CCDC32: variants seen among roughly 807,000 people sequenced by gnomAD.
The protein encoded by CCDC32 is coiled-coil domain containing 32, also known as coiled-coil domain-containing protein 32.
A neutral mutation model predicts 20.1 loss-of-function variants in CCDC32; 9 were observed. The observed-to-expected ratio is 0.45, with a 90% CI of 0.27 to 0.78. The LOEUF is 0.78. Ranked by LOEUF, CCDC32 falls within the 30% of genes least tolerant of loss-of-function variation. CCDC32 has a pLI of 0.16. For missense variants in CCDC32, 204 were observed against 215.5 expected (o/e 0.95, Z 0.33); for synonymous variants, 63 against 79.0 (o/e 0.80, Z 1.07).
chr15:40,548,855 G>T (rs553720941), downstream of CCDC32, among the ~76,000 whole-genome samples: 30 of 152,282 alleles, frequency 2.0e-4, 1 homozygote, highest in African/African-American at 7.2e-4. Context: ...GGTTCAAAGG[G>T]AGGGAATATT....
downstream of CCDC32, among the ~76,000 whole-genome samples, chr15:40,552,138 T>C (rs569465708): frequency 6.7e-6 from 1 of 149,906 alleles, no homozygotes; most frequent in African/African-American, 2.5e-5. Flanking sequence ...GCTTGGGTGA[T>C]AGAGTGAGGA....
downstream of CCDC32, chr15:40,539,002 A>G (rs928810028): frequency 1.0e-4 from 53 of 529,788 alleles, no homozygotes; most frequent in African/African-American, 9.7e-4. Context: ...CCCTCTTCCC[A>G]TGGGTTCTCT....
chr15:40,553,109 A>C lies in CCDC32; in HGVS notation c.*862T>G, dbSNP rs1268002225. The C allele has an allele frequency of 3.0e-6, 3 of 985,286 alleles. No homozygotes were observed. The African/African-American group carries it at 5.2e-5, about 17-fold the overall frequency. 61.0% of individuals were successfully genotyped at this position (985,286 alleles called of 1,614,324 possible). On this transcript the variant is annotated 3_prime_UTR_variant, in exon 4 of 4. Coordinates refer to ENST00000416810, the MANE Select transcript of CCDC32 (RefSeq NM_001080792.4). ...CCACAGACACTGCTATTCCGTTGAG[A>C]AAAGTTTTATATGGAAACACATACT...
intron 3 of CCDC32, among the ~76,000 whole-genome samples, chr15:40,547,838 C>T (rs1300385372): frequency 6.6e-6 from 1 of 152,222 alleles, no homozygotes; most frequent in Non-Finnish European, 1.5e-5. Context: ...CCCTCCCTTT[C>T]CTGACCTGTT....
chr15:40,531,047 A>G (rs1286816496), downstream of CCDC32, among the ~76,000 whole-genome samples: 1 of 151,656 alleles, frequency 6.6e-6, no homozygotes, highest in East Asian at 1.9e-4. Context: ...GGACTGATAC[A>G]GATGACATGC....
Position 40,553,408 on chromosome 15 carries a change from G to T in CCDC32, c.*563C>A, listed in dbSNP as rs1890003839. On this transcript the variant is annotated 3_prime_UTR_variant, in exon 4 of 4. Coordinates refer to ENST00000416810, the MANE Select transcript of CCDC32 (RefSeq NM_001080792.4). ...GGAACAAATGAGAGAAAGAAGCCCA[G>T]CCTCTCTCCCTGGAGTCCGTATACT... 1 of 985,288 alleles carries T rather than the reference G, an allele frequency of 1.0e-6. No individual in the cohort carries two copies. The highest frequency in any genetic ancestry group is 1.2e-6 in the Non-Finnish European group (1 of 829,862). 61.0% of individuals were successfully genotyped at this position (985,288 alleles called of 1,614,324 possible).
exon 4 of CCDC32, chr15:40,539,232 C>G (rs1462619881): frequency 6.5e-7 from 1 of 1,535,082 alleles, no homozygotes; most frequent in South Asian, 1.2e-5. Flanking sequence ...CCCGCCCTGG[C>G]TGTTACCATG....
intron 3 of CCDC32, among the ~76,000 whole-genome samples, chr15:40,529,320 A>G (rs1334481526): frequency 3.3e-5 from 5 of 152,232 alleles, no homozygotes; most frequent in Admixed American, 3.3e-4. Flanking sequence ...GATCACAGGA[A>G]AAGAGCACAC....
downstream of CCDC32, chr15:40,538,314 G>A (rs1367505262): frequency 2.0e-5 from 3 of 152,180 alleles, no homozygotes; most frequent in East Asian, 1.9e-4. Flanking sequence ...CAGAAAGCTC[G>A]AGATCTCTTG....
chr15:40,553,950 G>A lies in CCDC32; in HGVS notation c.*21C>T. 1 of 963,066 alleles carries A rather than the reference G, an allele frequency of 1.0e-6. No individual in the cohort carries two copies. Among genetic ancestry groups the A allele is most frequent in the Non-Finnish European group, 1.5e-6 (1 of 670,682 alleles). 59.7% of individuals were successfully genotyped at this position (963,066 alleles called of 1,614,324 possible). A position where few individuals can be genotyped will look rare whatever the true frequency, so the allele number is the denominator to read the frequency against. On this transcript the variant is annotated 3_prime_UTR_variant, in exon 4 of 4. Transcript: ENST00000416810. ...TGTGTGTGTGTGTGTGTGTGTGTGT[G>A]TGTGTGTGTGTGTGTGTAATTTACT...
intron 3 of CCDC32, among the ~76,000 whole-genome samples, chr15:40,544,264 G>C (rs980573479): frequency 2.6e-5 from 4 of 152,086 alleles, no homozygotes; most frequent in Non-Finnish European, 4.4e-5. Context: ...CCCAGGATAG[G>C]GTGCGGTAGG....
intron 3 of CCDC32, among the ~76,000 whole-genome samples, chr15:40,554,838 A>G (rs1199700966): frequency 1.3e-5 from 2 of 152,254 alleles, no homozygotes; most frequent in Admixed American, 6.5e-5. Context: ...ACAGTAAAAT[A>G]TAAATGACTA....
At chr15:40,549,986 G>A (rs4924481), downstream of CCDC32, among the ~76,000 whole-genome samples, 81,408 of 151,978 alleles carry the variant, frequency 0.54, 22,747 homozygotes, top group East Asian at 0.75. Flanking sequence ...CACAGCTGGC[G>A]GGACGTTTGT....
At chr15:40,541,194 T>C (rs1328167755) in intron 3 of CCDC32, among the ~76,000 whole-genome samples, 2 of 152,202 alleles carry the variant, frequency 1.3e-5, no homozygotes, top group South Asian at 4.1e-4. Context: ...AGGCTTTTCT[T>C]AGCCCCTGCA....
downstream of CCDC32, among the ~76,000 whole-genome samples, chr15:40,550,876 T>C (rs1595889399): frequency 6.6e-6 from 1 of 152,186 alleles, no homozygotes; most frequent in East Asian, 1.9e-4. Flanking sequence ...AAATGGGAAG[T>C]AGGGAAAAGG....
chr15:40,528,110 C>T (rs376770845), downstream of CCDC32, among the ~76,000 whole-genome samples: 2 of 152,228 alleles, frequency 1.3e-5, no homozygotes, highest in East Asian at 1.9e-4. Flanking sequence ...CAACCTTCAG[C>T]ACAGGGCACT....
intron 1 of CCDC32, chr15:40,564,735 T>TA: frequency 6.2e-7 from 1 of 1,614,160 alleles, no homozygotes; most frequent in East Asian, 2.2e-5. Context: ...CGAATTCGTC[T>TA]AAAGCCACCC....
downstream of CCDC32, chr15:40,532,062 A>T: frequency 2.2e-6 from 1 of 445,844 alleles, no homozygotes; most frequent in Non-Finnish European, 4.0e-6. Context: ...GAAGATGCCA[A>T]CCGTACTTAG....
chr15:40,524,446 C>A (rs1045896862), downstream of CCDC32, among the ~76,000 whole-genome samples: 1 of 151,718 alleles, frequency 6.6e-6, no homozygotes, highest in Non-Finnish European at 1.5e-5. Context: ...CCTGAGCCAC[C>A]GCGCCCAGCC....
Sources: gnomAD v4.1 joint callset for allele counts (sites outside exome capture counted in the v4.1 genomes callset) on GRCh38, gnomAD v4.1.1 for gene constraint, MANE v1.5 for transcripts, NCBI Gene and HGNC (gene_info 2026-07-23, HGNC 2026-07-21) for gene names.